The following RAP1GAP2 variants were observed in gnomAD, a reference collection of about 807,000 sequenced individuals.
The protein encoded by RAP1GAP2 is RAP1 GTPase activating protein 2, also known as rap1 GTPase-activating protein 2.
In RAP1GAP2, 27 loss-of-function variants were observed where a neutral mutation model predicts 95.0. That is an observed-to-expected ratio of 0.28 (90% CI 0.21 to 0.39). The LOEUF (loss-of-function observed/expected upper bound fraction) is 0.39. Ranked by LOEUF, RAP1GAP2 falls within the 10% of genes least tolerant of loss-of-function variation. RAP1GAP2 has a pLI of 1.00. For missense variants in RAP1GAP2, 771 were observed against 970.0 expected (o/e 0.79, Z 2.72); for synonymous variants, 373 against 380.9 (o/e 0.98, Z 0.24).
chr17:2,868,215 T>C lies in RAP1GAP2; in HGVS notation c.81-37069T>C, dbSNP rs182828899. ...ACGTCTGGCCAGTGGATGCTTTTGG[T>C]TACGAGGCCCTGGCTGAGAGAAGGG... On this transcript the variant is annotated intron_variant, in intron 2 of 24. Transcript: ENST00000254695. 9.2e-5 allele frequency among the ~76,000 whole-genome samples: 14 copies of C among 152,214 alleles called. No homozygotes were observed. In the South Asian group the frequency reaches 2.1e-3, roughly 23 times the overall value.
At chr17:2,875,000 CTGCCAGGGACGCTTCAAAAT>C (rs1220242871) in intron 2 of RAP1GAP2, among the ~76,000 whole-genome samples, 2 of 152,196 alleles carry the variant, frequency 1.3e-5, no homozygotes, top group African/African-American at 4.8e-5. Flanking sequence ...TTGAGGACAG[CTGCCAGGGACGCTTCAAAAT>C]TACCTTGGGG....
chr17:2,854,022 T>C, intron 2 of RAP1GAP2: 1 of 984,966 alleles, frequency 1.0e-6, no homozygotes, highest in Non-Finnish European at 1.2e-6. Flanking sequence ...GGAGGAGGCA[T>C]TGCCGAAAGG....
chr17:2,782,233 G>A (rs1369198639), intron 1 of RAP1GAP2, among the ~76,000 whole-genome samples: 1 of 152,210 alleles, frequency 6.6e-6, no homozygotes, highest in Non-Finnish European at 1.5e-5. Context: ...GGCGTCCACT[G>A]CCTTCTGGGC....
At chr17:2,820,919 G>GTTTTTTT (rs2070274192) in intron 2 of RAP1GAP2, among the ~76,000 whole-genome samples, 1 of 93,166 alleles carries the variant, frequency 1.1e-5, no homozygotes, top group African/African-American at 4.3e-5. Flanking sequence ...TGTATTTTTA[G>GTTTTTTT]TAGAGATAGG....
At chr17:2,796,198 G>A (rs1455806255), upstream of RAP1GAP2, among the ~76,000 whole-genome samples, 1 of 152,144 alleles carries the variant, frequency 6.6e-6, no homozygotes, top group Non-Finnish European at 1.5e-5. This position sits in a 1 kb window ranked among gnomAD's most constrained non-coding sequence, Gnocchi z 4.7. Context: ...CAGGAAGCTG[G>A]GGCTGTGTGG....
At chr17:2,909,726 T>A (rs2042311148) in intron 3 of RAP1GAP2, among the ~76,000 whole-genome samples, 1 of 152,136 alleles carries the variant, frequency 6.6e-6, no homozygotes, top group Non-Finnish European at 1.5e-5. Context: ...CCTTCTCCCC[T>A]TTGAGCTCAG....
intron 3 of RAP1GAP2, among the ~76,000 whole-genome samples, chr17:2,918,178 G>C (rs1177969447): frequency 6.6e-6 from 1 of 151,976 alleles, no homozygotes; most frequent in African/African-American, 2.4e-5. Flanking sequence ...GCTCACACCT[G>C]TAATCCCAGC....
chr17:2,904,172 C>T lies in RAP1GAP2; in HGVS notation c.81-1112C>T, dbSNP rs546064816. Among the ~76,000 whole-genome samples the T allele has an allele frequency of 4.6e-5, 7 of 152,264 alleles. No homozygotes were observed. The highest frequency in any genetic ancestry group is 1.2e-4 in the African/African-American group (5 of 41,544). On this transcript the variant is annotated intron_variant, in intron 2 of 24. Coordinates refer to ENST00000254695, the MANE Select transcript of RAP1GAP2 (RefSeq NM_015085.5). The surrounding 1 kb of genome is among the most constrained non-coding windows in gnomAD (Gnocchi z 4.7). The stretch of plus-strand genomic sequence containing the variant: ...TTTAATACGGTTCTCCCAGCCCCCT[C>T]GTCCCCTCCTGGGTACAGCCAGAGC...
intron 3 of RAP1GAP2, among the ~76,000 whole-genome samples, chr17:2,911,833 G>A (rs565212813): frequency 3.9e-5 from 6 of 152,258 alleles, no homozygotes; most frequent in African/African-American, 7.2e-5. Context: ...TTCTCTCGAC[G>A]CTCATGGGAA....
chr17:2,863,957 C>T (rs2151625483), intron 2 of RAP1GAP2, among the ~76,000 whole-genome samples: 1 of 152,094 alleles, frequency 6.6e-6, no homozygotes, highest in South Asian at 2.1e-4. Flanking sequence ...GAAGCTGAGA[C>T]AGGAGAATCG....
chr17:2,820,615 G>A (rs1357471486), intron 2 of RAP1GAP2, among the ~76,000 whole-genome samples: 1 of 133,242 alleles, frequency 7.5e-6, no homozygotes. Context: ...GAGAGACACC[G>A]TCTCAAAAAA....
At chr17:2,828,298 G>A (rs143919088) in intron 2 of RAP1GAP2, among the ~76,000 whole-genome samples, 5 of 152,098 alleles carry the variant, frequency 3.3e-5, no homozygotes, top group African/African-American at 9.6e-5. Context: ...CCGAGATCGC[G>A]CCATTGCACT....
At chr17:2,999,891 C>G (rs753544793) in intron 14 of RAP1GAP2, among the ~76,000 whole-genome samples, 22 of 152,250 alleles carry the variant, frequency 1.4e-4, no homozygotes, top group Admixed American at 1.4e-3. Context: ...GCTCATGTGT[C>G]CCTGCCATTG....
intron 2 of RAP1GAP2, among the ~76,000 whole-genome samples, chr17:2,815,359 G>C (rs775306505): frequency 2.6e-5 from 4 of 152,070 alleles, no homozygotes; most frequent in Non-Finnish European, 4.4e-5. Context: ...ACGTGGGTGC[G>C]CTTGTTGTGA....
upstream of RAP1GAP2, among the ~76,000 whole-genome samples, chr17:2,792,489 A>AAAGGCCCT (rs901391602): frequency 2.0e-5 from 3 of 152,156 alleles, no homozygotes; most frequent in African/African-American, 7.2e-5. Flanking sequence ...GCAGCGTGGG[A>AAAGGCCCT]AAGGCCCTAG....
chr17:2,783,804 C>T (rs75799830), intron 1 of RAP1GAP2, among the ~76,000 whole-genome samples: 12,060 of 152,218 alleles, frequency 0.079, 834 homozygotes, highest in African/African-American at 0.18. Flanking sequence ...GTCGCTCACA[C>T]GTCTGGCGTT....
intron 2 of RAP1GAP2, among the ~76,000 whole-genome samples, chr17:2,868,357 G>A (rs892697021): frequency 2.6e-5 from 4 of 152,092 alleles, no homozygotes; most frequent in African/African-American, 9.7e-5. Flanking sequence ...GCAGAGGAGC[G>A]GCCTCAGGAA....
At chr17:2,949,753 C>T (rs116298148) in intron 3 of RAP1GAP2, among the ~76,000 whole-genome samples, 106 of 152,244 alleles carry the variant, frequency 7.0e-4, no homozygotes, top group African/African-American at 2.4e-3. Context: ...AGGGTGTGTC[C>T]GAAAGGCTGA....
In RAP1GAP2 at chr17:2,965,296, C is replaced by T. The variant is rs2044540866; in HGVS notation, c.493-244C>T. On this transcript the variant is annotated intron_variant, in intron 7 of 24. Coordinates refer to ENST00000254695, the MANE Select transcript of RAP1GAP2 (RefSeq NM_015085.5). This position sits in a 1 kb window ranked among gnomAD's most constrained non-coding sequence, Gnocchi z 4.7. Reference sequence around the variant, plus strand: ...CCATCTGTGAAATGGGGATGATGTTCTCTCCCGGATACAGCTGTGGTCAGG... The same window carrying T: ...CCATCTGTGAAATGGGGATGATGTTTTCTCCCGGATACAGCTGTGGTCAGG... 1.9e-6 allele frequency: 1 copy of T among 522,220 alleles called. No homozygotes were observed. 32.3% of individuals were successfully genotyped at this position (522,220 alleles called of 1,614,324 possible).
Sources: allele counts gnomAD v4.1 joint callset (sites outside exome capture counted in the v4.1 genomes callset), GRCh38; gene constraint gnomAD v4.1.1; non-coding constraint Gnocchi (gnomAD v3.1); transcripts MANE v1.5; gene names NCBI Gene and HGNC (gene_info 2026-07-23, HGNC 2026-07-21).